Variants in MGMT observed in about 807,000 individuals in gnomAD.
MGMT encodes the protein O-6-methylguanine-DNA methyltransferase, also known as methylated-DNA--protein-cysteine methyltransferase.
A neutral mutation model predicts 15.9 loss-of-function variants in MGMT; 14 were observed. The observed-to-expected ratio is 0.88, with a 90% CI of 0.58 to 1.37. The LOEUF is 1.37. Among genes scored for constraint, MGMT ranks in the 40% most tolerant of loss-of-function variants. The pLI is 0.00. For missense variants in MGMT, 282 were observed against 268.1 expected, an observed-to-expected ratio of 1.05 and a Z score of -0.36; for synonymous variants, 130 against 118.2, an observed-to-expected ratio of 1.10 and a Z score of -0.65.
At chr10:129,493,170 T>C (rs541462562) in intron 1 of MGMT, among the ~76,000 whole-genome samples, 3 of 152,246 alleles carry the variant, frequency 2.0e-5, no homozygotes, top group Non-Finnish European at 4.4e-5. Flanking sequence ...AAATTAGGGA[T>C]GCTTTTCCCT....
At chr10:129,565,951 G>T (rs1360962085) in intron 2 of MGMT, among the ~76,000 whole-genome samples, 1 of 152,176 alleles carries the variant, frequency 6.6e-6, no homozygotes, top group Non-Finnish European at 1.5e-5. Context: ...AAGACACCGT[G>T]GTCGGGGCCT....
intron 3 of MGMT, among the ~76,000 whole-genome samples, chr10:129,730,650 T>G (rs545055965): frequency 6.6e-6 from 1 of 152,186 alleles, no homozygotes; most frequent in Non-Finnish European, 1.5e-5. Flanking sequence ...CAGGGATACC[T>G]TGACTGCGCT....
At chr10:129,657,725 ACACC>A (rs201055012) in intron 2 of MGMT, among the ~76,000 whole-genome samples, 2,269 of 144,686 alleles carry the variant, frequency 0.016, 91 homozygotes, top group Non-Finnish European at 0.022. Context: ...ACACACACAC[ACACC>A]CCCTCTCCCC....
chr10:129,688,112 C>T (rs1365678900), intron 2 of MGMT, among the ~76,000 whole-genome samples: 1 of 152,000 alleles, frequency 6.6e-6, no homozygotes, highest in African/African-American at 2.4e-5. Flanking sequence ...GGACATTTGG[C>T]TTGGTCTTTG....
intron 3 of MGMT, among the ~76,000 whole-genome samples, chr10:129,720,055 C>T (rs1217834802): frequency 2.0e-5 from 3 of 152,136 alleles, no homozygotes; most frequent in Admixed American, 6.5e-5. Flanking sequence ...TTCCCAAGGA[C>T]GCCCGCCCTC....
chr10:129,585,938 A>G lies in MGMT; in HGVS notation c.125+49561A>G, dbSNP rs74474356. On this transcript the variant is annotated intron_variant, in intron 2 of 4. Transcript: ENST00000651593. ...TATTAAGTGAAATGTGGGTGACTTG[A>G]ACACAAGCACTGCAATGACCTTGAT... 8.4e-3 allele frequency among the ~76,000 whole-genome samples: 1,275 copies of G among 152,270 alleles called. 22 individuals carry two copies. The highest frequency in any genetic ancestry group is 0.029 in the African/African-American group (1,217 of 41,534).
chr10:129,763,705 G>A (rs891201297), intron 4 of MGMT, among the ~76,000 whole-genome samples: 1 of 152,184 alleles, frequency 6.6e-6, no homozygotes, highest in African/African-American at 2.4e-5. Flanking sequence ...AGTCAAAAAC[G>A]TGAATTGTGT....
Position 129,765,063 on chromosome 10 carries a change from G to A in MGMT, c.415-1725G>A, listed in dbSNP as rs562683681. 2.6e-5 allele frequency among the ~76,000 whole-genome samples: 4 copies of A among 152,184 alleles called. No homozygotes were observed. The South Asian group carries it at 8.3e-4, about 32-fold the overall frequency. On this transcript the variant is annotated intron_variant, in intron 4 of 4. Coordinates refer to ENST00000651593, the MANE Select transcript of MGMT (RefSeq NM_002412.5). ...TCTGGAGCCTGCCCTGGCTCCTGTG[G>A]TCATGCTCATTGGCAGTTTACCTTC...
chr10:129,728,010 G>A (rs1848452370), intron 3 of MGMT, among the ~76,000 whole-genome samples: 1 of 152,140 alleles, frequency 6.6e-6, no homozygotes, highest in Non-Finnish European at 1.5e-5. Flanking sequence ...CCTCCCTCCA[G>A]GCCAAGAAGG....
chr10:129,506,006 A>ATTT (rs71478939), intron 1 of MGMT, among the ~76,000 whole-genome samples: 1,403 of 132,504 alleles, frequency 0.011, 29 homozygotes, highest in African/African-American at 0.037. Flanking sequence ...TGCAGTTGCT[A>ATTT]TTTTTTTTTT....
chr10:129,510,282 CT>C (rs1284142842), intron 1 of MGMT, among the ~76,000 whole-genome samples: 1 of 152,038 alleles, frequency 6.6e-6, no homozygotes, highest in Non-Finnish European at 1.5e-5. Context: ...AGTTACATAC[CT>C]TGGGGAAAAC....
chr10:129,594,445 C>A (rs1056868963), intron 2 of MGMT, among the ~76,000 whole-genome samples: 7 of 152,320 alleles, frequency 4.6e-5, no homozygotes, highest in South Asian at 4.1e-4. Flanking sequence ...TTCAGTCTTA[C>A]ACTGTGTTCT....
At chr10:129,504,534 A>T (rs1361610709) in intron 1 of MGMT, among the ~76,000 whole-genome samples, 4 of 152,208 alleles carry the variant, frequency 2.6e-5, no homozygotes, top group African/African-American at 9.6e-5. Context: ...GTTGTTTGGG[A>T]TGGGAGAACA....
At chr10:129,518,041 G>T (rs1465409150) in intron 1 of MGMT, among the ~76,000 whole-genome samples, 1 of 152,066 alleles carries the variant, frequency 6.6e-6, no homozygotes, top group East Asian at 1.9e-4. Context: ...AGGCATCTCT[G>T]GGGAGGGAGC....
intron 2 of MGMT, among the ~76,000 whole-genome samples, chr10:129,544,275 C>T (rs533594222): frequency 1.2e-4 from 19 of 152,132 alleles, no homozygotes; most frequent in Non-Finnish European, 2.2e-4. Flanking sequence ...GGAAAGATCC[C>T]GGAAGTGGCA....
At chr10:129,651,600 A>G (rs1412337161) in intron 2 of MGMT, among the ~76,000 whole-genome samples, 1 of 152,180 alleles carries the variant, frequency 6.6e-6, no homozygotes, top group East Asian at 1.9e-4. Flanking sequence ...ATGTGAAAAC[A>G]CCAAGAGTTA....
At chr10:129,554,026 G>A (rs1260145875) in intron 2 of MGMT, among the ~76,000 whole-genome samples, 2 of 152,242 alleles carry the variant, frequency 1.3e-5, no homozygotes, top group African/African-American at 2.4e-5. Context: ...GGAGGGAGCT[G>A]GGCAGCTGTT....
chr10:129,676,012 G>A (rs913389199), intron 2 of MGMT, among the ~76,000 whole-genome samples: 24 of 152,246 alleles, frequency 1.6e-4, no homozygotes, highest in South Asian at 8.3e-4. Context: ...GCACTGCGCC[G>A]GGCTCTCATG....
At chr10:129,660,671 A>C (rs1847585595) in intron 2 of MGMT, among the ~76,000 whole-genome samples, 1 of 152,090 alleles carries the variant, frequency 6.6e-6, no homozygotes, top group Admixed American at 6.5e-5. Context: ...CATAATGTGA[A>C]ATTAATGCAT....
Sources: gnomAD v4.1 joint callset for allele counts (sites outside exome capture counted in the v4.1 genomes callset) on GRCh38, gnomAD v4.1.1 for gene constraint, MANE v1.5 for transcripts, NCBI Gene and HGNC (gene_info 2026-07-23, HGNC 2026-07-21) for gene names.